The following MASP1 variants were observed in gnomAD, a reference collection of about 807,000 sequenced individuals.
MASP1 encodes mannan-binding lectin serine protease 1.
In MASP1, 59 loss-of-function variants were observed where a neutral mutation model predicts 77.1. That is an observed-to-expected ratio of 0.77 (90% confidence interval 0.62 to 0.95). MASP1 has a LOEUF of 0.95. MASP1 is among the 40% of genes least tolerant of loss of function. MASP1 has a pLI of 0.00. For synonymous variants in MASP1, 362 were observed against 354.5 expected, an observed-to-expected ratio of 1.02 and a Z score of -0.24; for missense variants, 885 against 912.9, an observed-to-expected ratio of 0.97 and a Z score of 0.39.
At chr3:187,230,984 T>A (rs146937724), downstream of MASP1, among the ~76,000 whole-genome samples, 15 of 152,302 alleles carry the variant, frequency 9.8e-5, no homozygotes, top group African/African-American at 3.6e-4. Flanking sequence ...ATATCACAGA[T>A]AAATGCTCTG....
intron 5 of MASP1, among the ~76,000 whole-genome samples, chr3:187,253,780 T>G (rs141550545): frequency 2.0e-3 from 307 of 150,890 alleles, no homozygotes; most frequent in African/African-American, 6.1e-3. Context: ...TAAGTGGGAG[T>G]TGAAAAATGA....
intron 6 of MASP1, among the ~76,000 whole-genome samples, chr3:187,252,811 C>A (rs562569953): frequency 6.6e-6 from 1 of 152,280 alleles, no homozygotes; most frequent in Non-Finnish European, 1.5e-5. Context: ...AATTCTAGCC[C>A]TAGACTTGGA....
chr3:187,223,858 T>G (rs1163350814), intron 13 of MASP1, among the ~76,000 whole-genome samples: 1 of 152,238 alleles, frequency 6.6e-6, no homozygotes, highest in Non-Finnish European at 1.5e-5. Context: ...TATCCCTAGA[T>G]CTGCTTCATA....
intron 2 of MASP1, among the ~76,000 whole-genome samples, chr3:187,283,384 A>G (rs1717591750): frequency 6.6e-6 from 1 of 152,210 alleles, no homozygotes. Context: ...CCTTCCTTGG[A>G]TACTCCACTT....
Position 187,236,074 on chromosome 3 carries a change from A to G in MASP1, c.1797T>C (p.Asn599=), listed in dbSNP as rs1713143289. The change falls in exon 11 of 11, where the codon AAT becomes AAC. Residue 599 remains asparagine (N), a synonymous_variant. Coordinates refer to ENST00000296280, the MANE Select transcript of MASP1 (RefSeq NM_139125.4). ...TGCTGATGATCTCATCCACTGTCAC[A>G]TTGGGATTGGAGATGCCCCAGCCGG... ...LVAGWGISNP[N]VTVDEIISSG... is the part of the protein sequence containing the mutation. The G allele has an allele frequency of 6.2e-7, 1 of 1,613,978 alleles. No homozygotes were observed. The highest frequency in any genetic ancestry group is 1.3e-5 in the African/African-American group (1 of 74,924).
chr3:187,248,691 C>T (rs943112464), intron 8 of MASP1, among the ~76,000 whole-genome samples: 3 of 152,164 alleles, frequency 2.0e-5, no homozygotes, highest in African/African-American at 7.2e-5. Context: ...CATGCCCGGA[C>T]CTTGTCTTTT....
intron 5 of MASP1, 64 bp downstream of exon 5, chr3:187,256,600 C>T (rs1715097826): frequency 2.0e-6 from 3 of 1,527,158 alleles, no homozygotes; most frequent in Non-Finnish European, 2.7e-6. Context: ...TCCGCAATAT[C>T]AATTTTCCCA....
chr3:187,236,595 A>G (rs766949395), intron 10 of MASP1, 28 bp from the exon 11 acceptor site: 2 of 1,613,496 alleles, frequency 1.2e-6, no homozygotes, highest in East Asian at 4.5e-5. Flanking sequence ...GAGCAGGGAC[A>G]AGAGACAGAG....
At chr3:187,226,275 CT>C (rs1712421402) in intron 12 of MASP1, 1 of 723,244 alleles carries the variant, frequency 1.4e-6, no homozygotes, top group East Asian at 2.7e-5. Context: ...GTTCCTGGAC[CT>C]CCATCCCAGG....
intron 2 of MASP1, among the ~76,000 whole-genome samples, chr3:187,275,692 T>C (rs79882122): frequency 1.3e-5 from 2 of 152,310 alleles, no homozygotes; most frequent in East Asian, 3.9e-4. Flanking sequence ...GTGATTGTTC[T>C]ATGCTCTATG....
intron 2 of MASP1, chr3:187,276,619 G>A (rs986916567): frequency 6.6e-6 from 1 of 152,240 alleles, no homozygotes; most frequent in African/African-American, 2.4e-5. Context: ...AGCACTGCGA[G>A]CTTCCTTTTG....
chr3:187,270,817 A>G (rs1716459450), intron 2 of MASP1, among the ~76,000 whole-genome samples: 1 of 152,214 alleles, frequency 6.6e-6, no homozygotes, highest in African/African-American at 2.4e-5. Context: ...ATTCACTGGC[A>G]TTCACTATCA....
intron 14 of MASP1, among the ~76,000 whole-genome samples, chr3:187,221,509 G>A (rs1712058719): frequency 6.6e-6 from 1 of 152,168 alleles, no homozygotes; most frequent in Admixed American, 6.5e-5. Context: ...CCTACTGTAG[G>A]ACCTAGAACA....
downstream of MASP1, chr3:187,229,790 C>A (rs1376044125): frequency 6.2e-7 from 1 of 1,614,222 alleles, no homozygotes; most frequent in Admixed American, 1.7e-5. Context: ...AAGGGCTGCC[C>A]ATTCAGGTGT....
chr3:187,286,152 T>C (rs2108611876), intron 1 of MASP1, 96 bp from the exon 2 acceptor site: 1 of 999,254 alleles, frequency 1.0e-6, no homozygotes, highest in Non-Finnish European at 1.5e-6. Context: ...TCAGCATGTC[T>C]CTGTCTCTGG....
At chr3:187,247,237 G>T in intron 8 of MASP1, 3 of 1,608,778 alleles carry the variant, frequency 1.9e-6, no homozygotes, top group East Asian at 2.2e-5. Context: ...GGGGCACGGG[G>T]GTGTTGTGGG....
intron 2 of MASP1, among the ~76,000 whole-genome samples, chr3:187,274,716 G>T (rs1184529858): frequency 6.6e-6 from 1 of 152,152 alleles, no homozygotes; most frequent in Admixed American, 6.5e-5. Context: ...GCGCCATAAA[G>T]AATGTGGGGG....
At chr3:187,224,715 G>A (rs1023238325) in intron 13 of MASP1, among the ~76,000 whole-genome samples, 8 of 152,162 alleles carry the variant, frequency 5.3e-5, no homozygotes, top group African/African-American at 1.7e-4. Flanking sequence ...TGTGGTACTA[G>A]GGATGAGACT....
chr3:187,247,712 G>A (rs1053370898), intron 8 of MASP1, among the ~76,000 whole-genome samples: 1 of 152,140 alleles, frequency 6.6e-6, no homozygotes, highest in African/African-American at 2.4e-5. Flanking sequence ...AGTAGAACAG[G>A]GCTTGTCCCG....
Sources: gnomAD v4.1 joint callset for allele counts (sites outside exome capture counted in the v4.1 genomes callset) on GRCh38, gnomAD v4.1.1 for gene constraint, MANE v1.5 for transcripts, NCBI Gene and HGNC (gene_info 2026-07-23, HGNC 2026-07-21) for gene names.